UTP25: variants seen among roughly 807,000 people sequenced by gnomAD.
The protein encoded by UTP25 is UTP25 small subunit processome component.
UTP25 carries 50 observed loss-of-function variants against 78.9 expected under a neutral mutation model. The observed-to-expected ratio is 0.63, with a 90% CI of 0.50 to 0.80. UTP25 has a LOEUF of 0.80. Among genes scored for constraint, UTP25 ranks in the 30% least tolerant of loss-of-function variants. UTP25 has a pLI of 0.00. For synonymous variants in UTP25, 329 were observed against 336.5 expected (o/e 0.98, Z 0.24); for missense variants, 846 against 911.3 (o/e 0.93, Z 0.92).
At chr1:209,832,592 T>C (rs1247681130) in intron 3 of UTP25, among the ~76,000 whole-genome samples, 1 of 152,164 alleles carries the variant, frequency 6.6e-6, no homozygotes, top group African/African-American at 2.4e-5. Flanking sequence ...GTAGGATATG[T>C]GTGTATATGA....
chr1:209,841,175 G>T (rs895803958), intron 8 of UTP25, 120 bp downstream of exon 8: 1 of 991,774 alleles, frequency 1.0e-6, no homozygotes, highest in Non-Finnish European at 1.5e-6. Flanking sequence ...TTGGAAGCAA[G>T]GACACACACT....
chr1:209,836,675 G>A lies in UTP25; in HGVS notation c.652-126G>A, dbSNP rs2078134802. ...TGAGTATCATGGTAACTACCTTGCA[G>A]GGCTGTTGTGAGGATTAAATGAGAT... On this transcript the variant is annotated intron_variant, in intron 5 of 11. Coordinates refer to ENST00000491415, the MANE Select transcript of UTP25 (RefSeq NM_014388.7). 3.0e-6 allele frequency: 3 copies of A among 1,010,484 alleles called. No individual in the cohort carries two copies. In the East Asian group the frequency reaches 7.4e-5, roughly 25 times the overall value. 62.6% of individuals were successfully genotyped at this position (1,010,484 alleles called of 1,614,324 possible).
Position 209,838,909 on chromosome 1 carries a change from GT to G in UTP25, c.1064del (p.Val355AspfsTer2), listed in dbSNP as rs768251579. On this transcript the variant is annotated frameshift_variant and splice_region_variant, in exon 7 of 12. Transcript: ENST00000491415. LOFTEE classifies it high-confidence loss of function. Reference sequence around the variant, plus strand: ...AAGGCTGCTGTTGCTGTCTGCACAGGTACTGATAGTGGTGCCATTCCGGGAA... The same window carrying G: ...AAGGCTGCTGTTGCTGTCTGCACAGGACTGATAGTGGTGCCATTCCGGGAA... ...FRDQGLTRPKVLIVVPFREAA... is the reference protein window; with the variant it reads ...FRDQGLTRPKXLIVVPFREAA... The G allele has an allele frequency of 6.2e-7, 1 of 1,614,002 alleles. No homozygotes were observed. Among genetic ancestry groups the G allele is most frequent in the African/African-American group, 1.3e-5 (1 of 75,020 alleles).
chr1:209,829,408 G>C (rs1424617878), intron 1 of UTP25, among the ~76,000 whole-genome samples: 1 of 152,134 alleles, frequency 6.6e-6, no homozygotes, highest in East Asian at 1.9e-4. Flanking sequence ...TCTAGGTGCA[G>C]TTATGATCTC....
intron 4 of UTP25, among the ~76,000 whole-genome samples, chr1:209,834,193 G>C (rs576170108): frequency 6.6e-6 from 1 of 152,340 alleles, no homozygotes; most frequent in East Asian, 1.9e-4. Flanking sequence ...CATAATTTCT[G>C]TGGTTGTTTT....
chr1:209,853,818 G>A lies in UTP25; in HGVS notation c.*2371G>A, dbSNP rs1572011783. 6.6e-6 allele frequency: 1 copy of A among 152,184 alleles called. No homozygotes were observed. The highest frequency in any genetic ancestry group is 1.5e-5 in the Non-Finnish European group (1 of 68,036). 9.4% of individuals were successfully genotyped at this position (152,184 alleles called of 1,614,324 possible). A position where few individuals can be genotyped will look rare whatever the true frequency, so the allele number is the denominator to read the frequency against. ...ATTTCAAATCCATGATGTAGCCCCA[G>A]AAATAACCATTTTATTAAGCACCCC... On this transcript the variant is annotated 3_prime_UTR_variant, in exon 12 of 12. Transcript: ENST00000491415.
Position 209,830,996 on chromosome 1 carries a change from T to C in UTP25, c.341T>C (p.Val114Ala). 6.2e-7 allele frequency: 1 copy of C among 1,614,122 alleles called. No individual in the cohort carries two copies. Among genetic ancestry groups the C allele is most frequent in the Non-Finnish European group, 8.5e-7 (1 of 1,179,992 alleles). The change falls in exon 3 of 12, where the codon GTC (valine) becomes GCC (alanine). Residue 114 changes from valine (V) to alanine (A), a missense_variant. Coordinates refer to ENST00000491415, the MANE Select transcript of UTP25 (RefSeq NM_014388.7). ...AACGATGAAGATGGTGGTAGCGATG[T>C]CAGTGTGGAAGAAGAGATGGCTGCA... ...EMNDEDGGSD[V>A]SVEEEMAAES...
rs752661750 is a variant in UTP25, at chr1:209,836,909, G to C, written c.760G>C (p.Glu254Gln). The change falls in exon 6 of 12, where the codon GAA (glutamate) becomes CAA (glutamine). Residue 254 changes from glutamate to glutamine, a missense_variant. Glu to Gln is a conservative substitution (Grantham distance 29). Transcript: ENST00000491415. ...GTCACTTCATCTCCAGAAGCCTCTGGAATCCACCTGGACTAAGACCAACAG... is the reference window on the plus strand; with the variant it reads ...GTCACTTCATCTCCAGAAGCCTCTGCAATCCACCTGGACTAAGACCAACAG... ...LKSLHLQKPLESTWTKTNSQF... is the reference protein window; with the variant it reads ...LKSLHLQKPLQSTWTKTNSQF... 6.2e-7 allele frequency: 1 copy of C among 1,614,004 alleles called. No homozygotes were observed. The highest frequency in any genetic ancestry group is 2.2e-5 in the East Asian group (1 of 44,886).
chr1:209,847,497 A>G (rs2078205662), intron 11 of UTP25, among the ~76,000 whole-genome samples: 1 of 152,186 alleles, frequency 6.6e-6, no homozygotes, highest in East Asian at 1.9e-4. Context: ...AAACAAAAAC[A>G]TTCTTTTATC....
chr1:209,838,851 C>T (rs2078149443), intron 6 of UTP25, 58 bp from the exon 7 acceptor site: 1 of 1,579,856 alleles, frequency 6.3e-7, no homozygotes, highest in Non-Finnish European at 8.7e-7. Flanking sequence ...AGCAGTTTCA[C>T]CTCAAGATCC....
chr1:209,841,981 G>T (rs1308662121), intron 8 of UTP25, among the ~76,000 whole-genome samples: 1 of 152,168 alleles, frequency 6.6e-6, no homozygotes, highest in Non-Finnish European at 1.5e-5. Context: ...GGGACCCATA[G>T]AGAGACCAGT....
intron 4 of UTP25, among the ~76,000 whole-genome samples, chr1:209,834,347 G>A (rs963004704): frequency 6.6e-6 from 1 of 152,180 alleles, no homozygotes; most frequent in Admixed American, 6.5e-5. Flanking sequence ...CTTATGAGTG[G>A]GACTGGGAGA....
intron 5 of UTP25, 94 bp downstream of exon 5, chr1:209,835,257 T>A (rs2078126804): frequency 1.9e-6 from 2 of 1,045,076 alleles, no homozygotes; most frequent in Non-Finnish European, 1.5e-6. Flanking sequence ...ATGTATGATA[T>A]ACACCTGCAG....
chr1:209,852,180 A>G lies in UTP25; in HGVS notation c.*733A>G, dbSNP rs934135369. The G allele has an allele frequency of 6.9e-6, 1 of 144,012 alleles. No homozygotes were observed. The highest frequency in any genetic ancestry group is 1.5e-5 in the Non-Finnish European group (1 of 67,970). The allele number at this position is 144,012 out of a possible 1,614,324, so 8.9% of individuals were successfully genotyped here. A position where few individuals can be genotyped will look rare whatever the true frequency, so the allele number is the denominator to read the frequency against. ...AATAACTAGTCATTTTTTCAGTCATAAACAGATGCAAATAAAAAGGAAATT... is the reference window on the plus strand; with the variant it reads ...AATAACTAGTCATTTTTTCAGTCATGAACAGATGCAAATAAAAAGGAAATT... On this transcript the variant is annotated 3_prime_UTR_variant, in exon 12 of 12. Transcript: ENST00000491415.
At position 209,856,980 on chromosome 1, in the gene UTP25, T is replaced by C. The variant is rs1180523711; in HGVS notation, c.*5533T>C. On this transcript the variant is annotated 3_prime_UTR_variant, in exon 12 of 12. Transcript: ENST00000491415. ...CACCTGTTTCTCATCTCTTCTAGTG[T>C]ATGTCAAAGCTAAATTAGGTCAAAT... 6.6e-6 allele frequency: 1 copy of C among 152,244 alleles called. No individual in the cohort carries two copies. The highest frequency in any genetic ancestry group is 2.4e-5 in the African/African-American group (1 of 41,470). The allele number at this position is 152,244 out of a possible 1,614,324, so 9.4% of individuals were successfully genotyped here.
intron 11 of UTP25, among the ~76,000 whole-genome samples, chr1:209,849,637 G>A (rs1490012716): frequency 6.6e-6 from 1 of 152,072 alleles, no homozygotes; most frequent in Non-Finnish European, 1.5e-5. Flanking sequence ...GGTCTCCCTC[G>A]GGTCTTCTGC....
chr1:209,835,924 T>C (rs768994841), intron 5 of UTP25, among the ~76,000 whole-genome samples: 3 of 152,340 alleles, frequency 2.0e-5, no homozygotes, highest in African/African-American at 4.8e-5. Flanking sequence ...TATATTTATA[T>C]ACAATTTTAT....
chr1:209,841,665 G>T (rs1255485074), intron 8 of UTP25, among the ~76,000 whole-genome samples: 1 of 152,102 alleles, frequency 6.6e-6, no homozygotes, highest in African/African-American at 2.4e-5. Flanking sequence ...TAAGGCATAT[G>T]GGAACTCACC....
chr1:209,845,741 T>C (rs930580100), intron 11 of UTP25, among the ~76,000 whole-genome samples: 2 of 152,044 alleles, frequency 1.3e-5, no homozygotes, highest in Non-Finnish European at 2.9e-5. Flanking sequence ...TTTCCAGCTA[T>C]AGAATTTTTT....
Sources: allele counts gnomAD v4.1 joint callset (sites outside exome capture counted in the v4.1 genomes callset), GRCh38; gene constraint gnomAD v4.1.1; transcripts MANE v1.5; gene names NCBI Gene and HGNC (gene_info 2026-07-23, HGNC 2026-07-21).